The following ASTN2 variants were observed in gnomAD, a reference collection of about 807,000 sequenced individuals.
ASTN2 encodes astrotactin 2.
In ASTN2, 54 loss-of-function variants were observed where a neutral mutation model predicts 139.8. The ratio of observed to expected loss-of-function variants is 0.39; its 90% CI spans 0.31 to 0.48. The LOEUF is 0.48. Ranked by LOEUF, ASTN2 falls within the 20% of genes least tolerant of loss-of-function variation. ASTN2 has a pLI of 0.95. For synonymous variants in ASTN2, 756 were observed against 719.5 expected (o/e 1.05, Z -0.81); for missense variants, 1,565 against 1,725.1 (o/e 0.91, Z 1.64).
chr9:116,490,447 T>C (rs796196937), intron 19 of ASTN2, among the ~76,000 whole-genome samples: 52 of 152,160 alleles, frequency 3.4e-4, no homozygotes, highest in African/African-American at 1.2e-3. Flanking sequence ...CTTGGGTCCA[T>C]GTCTGTCTGC....
rs115337193 is a variant in ASTN2 at position 116,599,824 on chromosome 9, G to A, written c.3355+18500C>T. Among the ~76,000 whole-genome samples, 969 of 152,268 alleles carry A rather than the reference G, an allele frequency of 6.4e-3. 7 individuals carry two copies. Among genetic ancestry groups the A allele is most frequent in the African/African-American group, 0.022 (935 of 41,556 alleles). ...TTCCACCTCCCCATGTCAGATGGAG[G>A]AGGAAGGGACTTTACAACTGTACCC... On this transcript the variant is annotated intron_variant, in intron 19 of 22. Coordinates refer to ENST00000313400, the MANE Select transcript of ASTN2 (RefSeq NM_001365068.1).
chr9:116,566,832 G>A (rs909649053), intron 19 of ASTN2, among the ~76,000 whole-genome samples: 3 of 152,176 alleles, frequency 2.0e-5, no homozygotes, highest in African/African-American at 7.2e-5. Context: ...AGGCTGGGCA[G>A]CAGCCTGGGA....
chr9:116,982,549 G>T (rs1836540461), intron 7 of ASTN2, among the ~76,000 whole-genome samples: 1 of 111,734 alleles, frequency 8.9e-6, no homozygotes, highest in Non-Finnish European at 2.2e-5. Flanking sequence ...TGTAATTTGG[G>T]ATTTTTTTTT....
At chr9:116,755,970 A>T (rs1829521552) in intron 13 of ASTN2, among the ~76,000 whole-genome samples, 1 of 152,230 alleles carries the variant, frequency 6.6e-6, no homozygotes, top group South Asian at 2.1e-4. Context: ...TAACACCTTG[A>T]TGGTGACCCT....
chr9:116,466,541 T>A (rs1848652050), intron 20 of ASTN2, among the ~76,000 whole-genome samples: 2 of 152,168 alleles, frequency 1.3e-5, no homozygotes, highest in African/African-American at 4.8e-5. Flanking sequence ...GGTTGCTGCC[T>A]CCAAGTAGGG....
intron 11 of ASTN2, among the ~76,000 whole-genome samples, chr9:116,841,464 C>T (rs1237780214): frequency 6.6e-6 from 1 of 152,116 alleles, no homozygotes; most frequent in African/African-American, 2.4e-5. Context: ...TGGTCTTGAA[C>T]TCCTGACCTC....
At chr9:117,284,611 T>C (rs1384739268) in intron 2 of ASTN2, among the ~76,000 whole-genome samples, 1 of 152,220 alleles carries the variant, frequency 6.6e-6, no homozygotes, top group African/African-American at 2.4e-5. Context: ...GCCTCCAGGA[T>C]TGTGAGATAA....
chr9:116,649,184 T>C (rs1309950857), intron 17 of ASTN2, among the ~76,000 whole-genome samples: 1 of 152,192 alleles, frequency 6.6e-6, no homozygotes, highest in African/African-American at 2.4e-5. Flanking sequence ...TTTTAAATCA[T>C]ATTTATTGCA....
intron 4 of ASTN2, among the ~76,000 whole-genome samples, chr9:117,139,791 C>T (rs1473419611): frequency 6.6e-6 from 1 of 152,156 alleles, no homozygotes; most frequent in Non-Finnish European, 1.5e-5. Context: ...TAAAGGAAAG[C>T]TGGGAGGATT....
At chr9:117,348,416 A>G (rs548038064) in intron 1 of ASTN2, among the ~76,000 whole-genome samples, 1 of 152,330 alleles carries the variant, frequency 6.6e-6, no homozygotes, top group South Asian at 2.1e-4. Context: ...AGATACAAGC[A>G]TGTCTCTGAA....
At chr9:116,803,512 ATATATATATATTTTTTT>A (rs1227984361) in intron 13 of ASTN2, among the ~76,000 whole-genome samples, 5 of 7,528 alleles carry the variant, frequency 6.6e-4, no homozygotes, top group Non-Finnish European at 8.5e-4. Flanking sequence ...ATATATATAT[ATATATATATATTTTTTT>A]TTTTTTTTTT....
intron 21 of ASTN2, among the ~76,000 whole-genome samples, chr9:116,441,669 A>G (rs1271711710): frequency 2.6e-5 from 4 of 152,170 alleles, no homozygotes; most frequent in African/African-American, 7.2e-5. Context: ...CTCACCACCC[A>G]TAATGTGAAT....
At chr9:117,056,854 T>C (rs1166176097) in intron 5 of ASTN2, among the ~76,000 whole-genome samples, 4 of 151,954 alleles carry the variant, frequency 2.6e-5, no homozygotes, top group African/African-American at 9.7e-5. Context: ...ATGATTAGAG[T>C]CGCACAGGGC....
intron 1 of ASTN2, among the ~76,000 whole-genome samples, chr9:117,299,013 T>A (rs569524612): frequency 6.6e-6 from 1 of 152,114 alleles, no homozygotes; most frequent in East Asian, 1.9e-4. Context: ...TCCTGGAGCA[T>A]GCACATGAAA....
chr9:116,751,887 G>T (rs893239965), intron 13 of ASTN2, among the ~76,000 whole-genome samples: 3 of 152,118 alleles, frequency 2.0e-5, no homozygotes, highest in Admixed American at 6.6e-5. Flanking sequence ...GAGATTCCCT[G>T]TTCATCTTCA....
chr9:117,223,388 T>C (rs900623249), intron 2 of ASTN2, among the ~76,000 whole-genome samples: 3 of 152,094 alleles, frequency 2.0e-5, no homozygotes, highest in Non-Finnish European at 4.4e-5. Context: ...AATTAACTGG[T>C]CCCAAATGTC....
At chr9:116,551,888 T>C (rs1408690452) in intron 19 of ASTN2, among the ~76,000 whole-genome samples, 1 of 152,180 alleles carries the variant, frequency 6.6e-6, no homozygotes, top group Non-Finnish European at 1.5e-5. Context: ...TAGGAAGAAC[T>C]GTGAAGAATT....
At chr9:116,903,381 T>G (rs1177744729) in intron 10 of ASTN2, among the ~76,000 whole-genome samples, 2 of 152,210 alleles carry the variant, frequency 1.3e-5, no homozygotes, top group African/African-American at 4.8e-5. Context: ...TAGTATCTAG[T>G]ACATAGTGGA....
intron 16 of ASTN2, among the ~76,000 whole-genome samples, chr9:116,653,182 G>A (rs1167965709): frequency 1.3e-5 from 2 of 152,176 alleles, no homozygotes; most frequent in Non-Finnish European, 2.9e-5. Flanking sequence ...CTCAGCCAGA[G>A]AGATTATAGA....
Sources: allele counts gnomAD v4.1 joint callset (sites outside exome capture counted in the v4.1 genomes callset), GRCh38; gene constraint gnomAD v4.1.1; transcripts MANE v1.5; gene names NCBI Gene and HGNC (gene_info 2026-07-23, HGNC 2026-07-21).